The following PAMR1 variants were observed in gnomAD, a reference collection of about 807,000 sequenced individuals.
The protein encoded by PAMR1 is inactive serine protease PAMR1.
A neutral mutation model predicts 81.8 loss-of-function variants in PAMR1; 88 were observed. The observed-to-expected ratio is 1.08, with a 90% CI of 0.91 to 1.28. PAMR1 has a LOEUF of 1.28. Ranked by LOEUF, PAMR1 falls within the 50% of genes most tolerant of loss-of-function variation. The pLI is 0.00. For synonymous variants in PAMR1, 336 were observed against 345.3 expected, an observed-to-expected ratio of 0.97 and a Z score of 0.30; for missense variants, 935 against 919.7, an observed-to-expected ratio of 1.02 and a Z score of -0.21.
In PAMR1 at chr11:35,432,381, T is replaced by G. The variant is rs1272882478; in HGVS notation, c.2138A>C (p.Asp713Ala). Reference protein sequence around the residue: ...TAFTKVLPFKDWIERNMK With the variant: ...TAFTKVLPFKAWIERNMK ...TCATTTCATATTTCTTTCAATCCAGTCTTTAAAAGGCAGCACCTTGGTGAA... is the reference window on the plus strand; with the variant it reads ...TCATTTCATATTTCTTTCAATCCAGGCTTTAAAAGGCAGCACCTTGGTGAA... The change falls in exon 11 of 11, where the codon GAC becomes GCC. Residue 713 changes from aspartate (D) to alanine (A), a missense_variant. Physicochemically the swap from Asp to Ala is moderately radical, Grantham distance 126. Transcript: ENST00000619888. 3 of 1,612,938 alleles carry G rather than the reference T, an allele frequency of 1.9e-6. No homozygotes were observed. Among genetic ancestry groups the G allele is most frequent in the Non-Finnish European group, 2.5e-6 (3 of 1,179,918 alleles).
At chr11:35,441,015 CTCTG>C (rs1856153276) in intron 7 of PAMR1, among the ~76,000 whole-genome samples, 1 of 152,206 alleles carries the variant, frequency 6.6e-6, no homozygotes, top group Non-Finnish European at 1.5e-5. Context: ...AGGGTTTACT[CTCTG>C]TCTTTGTTTT....
At chr11:35,473,199 C>T (rs1850222012) in intron 4 of PAMR1, among the ~76,000 whole-genome samples, 1 of 152,138 alleles carries the variant, frequency 6.6e-6, no homozygotes, top group Admixed American at 6.5e-5. Flanking sequence ...AACATTGTGC[C>T]TATGCTTCCA....
rs1280937095 is a variant in PAMR1 at position 35,432,541 on chromosome 11, T to C, written c.1978A>G (p.Ile660Val). The C allele has an allele frequency of 1.9e-6, 3 of 1,614,090 alleles. No individual in the cohort carries two copies. Among genetic ancestry groups the C allele is most frequent in the Non-Finnish European group, 2.5e-6 (3 of 1,180,046 alleles). The change falls in exon 11 of 11, where the codon ATC (isoleucine) becomes GTC (valine). Residue 660 changes from isoleucine (I) to valine (V), a missense_variant. Physicochemically the swap from Ile to Val is conservative, Grantham distance 29. Coordinates refer to ENST00000619888, the MANE Select transcript of PAMR1 (RefSeq NM_001001991.3). Reference protein sequence around the residue: ...ASWEPTAPSDICTAETGGIAA... With the variant: ...ASWEPTAPSDVCTAETGGIAA... ...ATGCCTCCTGTCTCTGCAGTGCAGA[T>C]ATCAGAAGGGGCAGTGGGTTCCCAG... is the stretch of plus-strand genomic sequence containing the variant.
chr11:35,508,255 T>A (rs1361583974), intron 1 of PAMR1, among the ~76,000 whole-genome samples: 3 of 152,162 alleles, frequency 2.0e-5, no homozygotes, highest in Non-Finnish European at 4.4e-5. Flanking sequence ...GTAGAAACCA[T>A]GAGTCAGAAG....
chr11:35,506,415 T>G (rs1850956278), intron 1 of PAMR1, among the ~76,000 whole-genome samples: 1 of 47,990 alleles, frequency 2.1e-5, no homozygotes, highest in African/African-American at 9.1e-5. Flanking sequence ...ATGTTAGTGT[T>G]TTTTTTTTGT....
At chr11:35,528,139 A>C (rs961656014), upstream of PAMR1, among the ~76,000 whole-genome samples, 1 of 152,114 alleles carries the variant, frequency 6.6e-6, no homozygotes, top group African/African-American at 2.4e-5. Flanking sequence ...ACCCCCAAAT[A>C]TGCCCCTTTG....
chr11:35,474,807 G>A (rs928049834), intron 3 of PAMR1, 63 bp from the exon 4 acceptor site: 53 of 1,093,928 alleles, frequency 4.8e-5, no homozygotes, highest in Middle Eastern at 3.9e-4. Context: ...GACTAGAGAA[G>A]GTCTCAACGA....
At chr11:35,437,027 T>C (rs1429438099) in intron 8 of PAMR1, among the ~76,000 whole-genome samples, 1 of 152,174 alleles carries the variant, frequency 6.6e-6, no homozygotes, top group Non-Finnish European at 1.5e-5. Flanking sequence ...TTAGTACACC[T>C]CAGAGAATAG....
chr11:35,506,496 G>C (rs1277642299), intron 1 of PAMR1, among the ~76,000 whole-genome samples: 1 of 150,526 alleles, frequency 6.6e-6, no homozygotes, highest in Non-Finnish European at 1.5e-5. Flanking sequence ...TCTGGTGGTG[G>C]TAATTCTCTC....
chr11:35,497,850 C>G (rs1382415542), intron 1 of PAMR1, among the ~76,000 whole-genome samples: 1 of 152,100 alleles, frequency 6.6e-6, no homozygotes, highest in Non-Finnish European at 1.5e-5. Context: ...TAACTCAATA[C>G]AGCTTTCTTT....
intron 1 of PAMR1, among the ~76,000 whole-genome samples, chr11:35,509,596 G>A (rs1021028879): frequency 3.9e-5 from 6 of 152,112 alleles, no homozygotes; most frequent in African/African-American, 1.4e-4. Flanking sequence ...TAGTTAAGTT[G>A]CTAATAAATT....
At chr11:35,528,753 G>C (rs1851426747), upstream of PAMR1, among the ~76,000 whole-genome samples, 1 of 152,170 alleles carries the variant, frequency 6.6e-6, no homozygotes, top group Non-Finnish European at 1.5e-5. Flanking sequence ...TACTTCTCTA[G>C]GTTCAGGGGT....
chr11:35,523,783 A>G (rs553042633), intron 1 of PAMR1, among the ~76,000 whole-genome samples: 4 of 152,304 alleles, frequency 2.6e-5, no homozygotes, highest in South Asian at 2.1e-4. Flanking sequence ...TATCCTTGCT[A>G]AACACATGAA....
chr11:35,489,518 A>T (rs895657955), intron 3 of PAMR1, among the ~76,000 whole-genome samples: 1 of 152,138 alleles, frequency 6.6e-6, no homozygotes, highest in Non-Finnish European at 1.5e-5. Flanking sequence ...GTTATGCTAC[A>T]AGAGTTATCT....
intron 1 of PAMR1, among the ~76,000 whole-genome samples, chr11:35,503,792 A>C (rs1184430830): frequency 6.6e-6 from 1 of 152,086 alleles, no homozygotes; most frequent in Non-Finnish European, 1.5e-5. Flanking sequence ...TTTTTTAAAT[A>C]TAAGATTATT....
At chr11:35,489,501 C>T (rs765733858) in intron 3 of PAMR1, among the ~76,000 whole-genome samples, 13 of 152,200 alleles carry the variant, frequency 8.5e-5, no homozygotes, top group Non-Finnish European at 1.8e-4. Flanking sequence ...TCCTCCACTC[C>T]AGCGGAGTTA....
upstream of PAMR1, among the ~76,000 whole-genome samples, chr11:35,526,839 G>T (rs937434358): frequency 6.6e-6 from 1 of 152,160 alleles, no homozygotes; most frequent in African/African-American, 2.4e-5. Context: ...GGGACCAGGT[G>T]GAGATAATTG....
intron 3 of PAMR1, among the ~76,000 whole-genome samples, chr11:35,476,789 T>C (rs1302002225): frequency 6.6e-6 from 1 of 152,082 alleles, no homozygotes; most frequent in Non-Finnish European, 1.5e-5. Context: ...CTATGTTATT[T>C]GCAGCTCTGC....
chr11:35,475,247 T>C (rs1040050349), intron 3 of PAMR1, among the ~76,000 whole-genome samples: 1 of 152,210 alleles, frequency 6.6e-6, no homozygotes, highest in South Asian at 2.1e-4. Context: ...TGAGTAGTTA[T>C]GTAATAAATG....
Sources: allele counts gnomAD v4.1 joint callset (sites outside exome capture counted in the v4.1 genomes callset), GRCh38; gene constraint gnomAD v4.1.1; transcripts MANE v1.5; gene names NCBI Gene and HGNC (gene_info 2026-07-23, HGNC 2026-07-21).